P4HA2: variants seen among roughly 807,000 people sequenced by gnomAD.
P4HA2 encodes prolyl 4-hydroxylase subunit alpha 2.
P4HA2 carries 46 observed loss-of-function variants against 76.9 expected under a neutral mutation model. The ratio of observed to expected loss-of-function variants is 0.60; its 90% CI spans 0.47 to 0.76. The LOEUF is 0.76. Ranked by LOEUF, P4HA2 falls within the 30% of genes least tolerant of loss-of-function variation. The probability of loss-of-function intolerance (pLI) is 0.00; values close to 1 mark genes in which losing one functional copy is unlikely to be tolerated. For missense variants in P4HA2, 583 were observed against 669.4 expected (o/e 0.87, Z 1.42); for synonymous variants, 243 against 254.0 (o/e 0.96, Z 0.41).
chr5:132,225,868 A>G (rs1046600123), intron 1 of P4HA2, among the ~76,000 whole-genome samples: 1 of 152,218 alleles, frequency 6.6e-6, no homozygotes, highest in African/African-American at 2.4e-5. Context: ...CTGAGCTCTC[A>G]GAGAACTAGG....
In P4HA2 at chr5:132,209,228, T is replaced by C. The variant is rs769977098; in HGVS notation, c.813A>G (p.Ala271=). ...GCCTCTCATAGATGCCTTCTGGGGT[T>C]GCTAGCTCAGCTTCTGTCTGATTTG... ...TLTNQTEAEL[A]TPEGIYERPV... Residue 271 remains alanine, a synonymous_variant, in exon 7 of 15, where the codon GCA becomes GCG. Coordinates refer to ENST00000360568, the MANE Select transcript of P4HA2 (RefSeq NM_001017974.2). The C allele has an allele frequency of 6.2e-7, 1 of 1,614,074 alleles. No individual in the cohort carries two copies. Among genetic ancestry groups the C allele is most frequent in the Non-Finnish European group, 8.5e-7 (1 of 1,179,950 alleles).
rs150432961 is a variant in P4HA2 at position 132,198,270 on chromosome 5, T to C, written c.1365+51A>G. The C allele has an allele frequency of 4.3e-4, 689 of 1,614,230 alleles. 4 individuals are homozygous for C. The African/African-American group carries it at 8.7e-3, about 20-fold the overall frequency. On this transcript the variant is annotated intron_variant, in intron 12 of 14. Coordinates refer to ENST00000360568, the MANE Select transcript of P4HA2 (RefSeq NM_001017974.2). Reference sequence around the variant, plus strand: ...ATGCTTGAAAGTATCTCGCTCATCATTCTACAAAATTAAGTGAGAATGAAC... The same window carrying C: ...ATGCTTGAAAGTATCTCGCTCATCACTCTACAAAATTAAGTGAGAATGAAC...
At position 132,217,802 on chromosome 5, in the gene P4HA2, A is replaced by C. The variant is rs200907704; in HGVS notation, c.129T>G (p.Ser43=). ...CCTCCACAAGGATGTACTCTTTCAG[A>C]GACTGCACCAGCTCTTTCTCTGCAT... ...LIYAEKELVQ[S]LKEYILVEEA... is the part of the protein sequence containing the mutation. Residue 43 remains serine, a synonymous_variant, in exon 3 of 15, where the codon TCT becomes TCG. Transcript: ENST00000360568. The C allele has an allele frequency of 1.2e-6, 2 of 1,613,302 alleles. No individual in the cohort carries two copies. The highest frequency in any genetic ancestry group is 2.7e-5 in the African/African-American group (2 of 74,894).
At position 132,210,468 on chromosome 5, in the gene P4HA2, C is replaced by G. The variant is rs200726142; in HGVS notation, c.525G>C (p.Ser175=). 1.2e-6 allele frequency: 2 copies of G among 1,614,016 alleles called. No individual in the cohort carries two copies. The highest frequency in any genetic ancestry group is 2.2e-5 in the South Asian group (2 of 91,070). The change falls in exon 6 of 15, where the codon TCG becomes TCC. Residue 175 remains serine (S), a synonymous_variant. Transcript: ENST00000360568. ...GATAATAGTCCCCTTCATTGTAGGCCGAGCGGCCCATCCCAAAGCAGTCAT... is the reference window on the plus strand; with the variant it reads ...GATAATAGTCCCCTTCATTGTAGGCGGAGCGGCCCATCCCAAAGCAGTCAT... ...SVDDCFGMGR[S]AYNEGDYYHT...
chr5:132,201,397 C>T (rs1189543542), intron 10 of P4HA2: 2 of 152,206 alleles, frequency 1.3e-5, no homozygotes, highest in Non-Finnish European at 2.9e-5. Flanking sequence ...AGCTCCTTTC[C>T]AGAGGCCTGC....
intron 4 of P4HA2, among the ~76,000 whole-genome samples, chr5:132,214,775 T>A (rs1753617020): frequency 1.3e-5 from 2 of 152,022 alleles, no homozygotes; most frequent in Admixed American, 1.3e-4. Flanking sequence ...CTCCCACCAC[T>A]CAGACCTTCA....
intron 4 of P4HA2, among the ~76,000 whole-genome samples, chr5:132,216,161 T>A (rs1342673549): frequency 9.2e-4 from 18 of 19,624 alleles, no homozygotes; most frequent in African/African-American, 2.8e-3. Context: ...AGACTCAGTC[T>A]CAAAAAAAAA....
At chr5:132,200,565 G>C (rs935009253) in intron 10 of P4HA2, 2 of 152,322 alleles carry the variant, frequency 1.3e-5, no homozygotes, top group African/African-American at 4.8e-5. Flanking sequence ...TGGGGGGAGT[G>C]GGGGTAGAGA....
chr5:132,201,470 A>G (rs1751458544), intron 10 of P4HA2: 1 of 152,216 alleles, frequency 6.6e-6, no homozygotes, highest in South Asian at 2.1e-4. Flanking sequence ...ATCATACCAC[A>G]AGCATTTCAT....
chr5:132,205,967 A>G (rs1752153242), intron 8 of P4HA2, among the ~76,000 whole-genome samples: 1 of 152,216 alleles, frequency 6.6e-6, no homozygotes, highest in Non-Finnish European at 1.5e-5. Context: ...GGCCAAGTTA[A>G]GCTCATTGGC....
chr5:132,206,064 A>G (rs1752167040), intron 8 of P4HA2, among the ~76,000 whole-genome samples: 1 of 152,036 alleles, frequency 6.6e-6, no homozygotes, highest in African/African-American at 2.4e-5. Flanking sequence ...CCATGTTAAG[A>G]GCCAAACATG....
intron 7 of P4HA2, among the ~76,000 whole-genome samples, chr5:132,208,719 G>A (rs1450648555): frequency 6.6e-6 from 1 of 151,962 alleles, no homozygotes; most frequent in Non-Finnish European, 1.5e-5. Context: ...TCCTCAGGAA[G>A]CACTAGGATC....
At chr5:132,195,647 G>A (rs989489642) in intron 12 of P4HA2, 167 bp from the exon 13 acceptor site, 1 of 648,536 alleles carries the variant, frequency 1.5e-6, no homozygotes, top group Admixed American at 2.2e-5. Context: ...CTCTTCCCAT[G>A]CCTACTTAAC....
chr5:132,203,803 T>C lies in P4HA2; in HGVS notation c.1196A>G (p.Asn399Ser), dbSNP rs1019334030. ...EDDDPVVARV[N>S]RRMQHITGLT... ...CCCTGTGATATGCTGCATCCGACGA[T>C]TTACTCGGGCCACAACAGGGTCATC... is the stretch of plus-strand genomic sequence containing the variant. The change falls in exon 10 of 15, where the codon AAT (asparagine) becomes AGT (serine). Residue 399 changes from asparagine (N) to serine (S), a missense_variant. Coordinates refer to ENST00000360568, the MANE Select transcript of P4HA2 (RefSeq NM_001017974.2). 6.2e-7 allele frequency: 1 copy of C among 1,613,900 alleles called. No homozygotes were observed. Among genetic ancestry groups the C allele is most frequent in the Non-Finnish European group, 8.5e-7 (1 of 1,179,776 alleles).
intron 8 of P4HA2, among the ~76,000 whole-genome samples, chr5:132,206,697 A>C (rs1752254309): frequency 6.6e-6 from 1 of 152,254 alleles, no homozygotes; most frequent in Non-Finnish European, 1.5e-5. Context: ...TCTTAGCAGT[A>C]AAATACCATA....
At position 132,217,319 on chromosome 5, in the gene P4HA2, C is replaced by T. The variant is rs1396612209; in HGVS notation, c.209G>A (p.Ser70Asn). 3.1e-6 allele frequency: 5 copies of T among 1,614,026 alleles called. No homozygotes were observed. The highest frequency in any genetic ancestry group is 1.3e-5 in the African/African-American group (1 of 74,916). Residue 70 changes from serine to asparagine, a missense_variant, in exon 4 of 15, where the codon AGC becomes AAC. Coordinates refer to ENST00000360568, the MANE Select transcript of P4HA2 (RefSeq NM_001017974.2). Reference protein sequence around the residue: ...SWANKMEALTSKSAADAEGYL... With the variant: ...SWANKMEALTNKSAADAEGYL... ...GCCCTCAGCATCAGCAGCTGACTTG[C>T]TAGTCAAGGCTTCCATTTTGTTGGC...
Position 132,190,521 on chromosome 5 carries a change from C to T in P4HA2, c.*2489G>A, listed in dbSNP as rs1170830247. On this transcript the variant is annotated 3_prime_UTR_variant, in exon 15 of 15. Coordinates refer to ENST00000360568, the MANE Select transcript of P4HA2 (RefSeq NM_001017974.2). ...AAGGATTATTACTACAGAAAAAGCCCATCCTATCCTAATAAAATATGCAAA... is the reference window on the plus strand; with the variant it reads ...AAGGATTATTACTACAGAAAAAGCCTATCCTATCCTAATAAAATATGCAAA... Among the ~76,000 whole-genome samples the T allele has an allele frequency of 4.6e-5, 7 of 152,136 alleles. No individual in the cohort carries two copies. Among genetic ancestry groups the T allele is most frequent in the Non-Finnish European group, 1.0e-4 (7 of 68,032 alleles).
At chr5:132,220,729 C>T (rs1478143155) in intron 1 of P4HA2, among the ~76,000 whole-genome samples, 1 of 152,226 alleles carries the variant, frequency 6.6e-6, no homozygotes, top group Non-Finnish European at 1.5e-5. Flanking sequence ...TCTTGAATCT[C>T]AGCCTGGAGG....
intron 3 of P4HA2, 96 bp from the exon 4 acceptor site, chr5:132,217,444 C>T (rs568941651): frequency 1.4e-4 from 164 of 1,209,038 alleles, no homozygotes; most frequent in Non-Finnish European, 1.9e-4. Flanking sequence ...GTGCCAGGTT[C>T]TGGGGCCCTT....
Sources: gnomAD v4.1 joint callset for allele counts (sites outside exome capture counted in the v4.1 genomes callset) on GRCh38, gnomAD v4.1.1 for gene constraint, MANE v1.5 for transcripts, NCBI Gene and HGNC (gene_info 2026-07-23, HGNC 2026-07-21) for gene names.